Variants in PRODH2 observed in about 807,000 individuals in gnomAD.
The protein encoded by PRODH2 is hydroxyproline dehydrogenase.
PRODH2 carries 49 observed loss-of-function variants against 51.9 expected under a neutral mutation model. The observed-to-expected ratio is 0.94, with a 90% confidence interval of 0.75 to 1.20. PRODH2 has a LOEUF of 1.20. PRODH2 is among the 50% of genes most tolerant of loss of function. PRODH2 has a pLI of 0.00. For missense variants in PRODH2, 597 were observed against 610.9 expected (o/e 0.98, Z 0.24); for synonymous variants, 249 against 260.7 (o/e 0.96, Z 0.43).
In PRODH2 at chr19:35,812,731, A is replaced by G; in HGVS notation, c.75T>C (p.Asp25=). 1 of 1,611,758 alleles carries G rather than the reference A, an allele frequency of 6.2e-7. No individual in the cohort carries two copies. Among genetic ancestry groups the G allele is most frequent in the East Asian group, 2.2e-5 (1 of 44,844 alleles). The change falls in exon 1 of 10, where the codon GAT becomes GAC. Residue 25 remains aspartate (D), a synonymous_variant. Transcript: ENST00000653904. ...TGCCCTTAAGGTGGAAGGCCCCGCC[A>G]TCAAAGCTCAGGGACTGCCAGCCCC... is the stretch of plus-strand genomic sequence containing the variant. ...PSRGWQSLSF[D]GGAFHLKGTG... is the part of the protein sequence containing the mutation.
chr19:35,803,648 G>A (rs1263720001), intron 7 of PRODH2, among the ~76,000 whole-genome samples: 1 of 152,192 alleles, frequency 6.6e-6, no homozygotes, highest in South Asian at 2.1e-4. Flanking sequence ...GGACAGTGGC[G>A]GCGGTCTCAC....
At chr19:35,811,206 G>A (rs1237872066) in intron 4 of PRODH2, among the ~76,000 whole-genome samples, 3 of 151,740 alleles carry the variant, frequency 2.0e-5, no homozygotes, top group Non-Finnish European at 4.4e-5. Context: ...TGCCCCCCAC[G>A]AATGGTATAC....
intron 7 of PRODH2, among the ~76,000 whole-genome samples, chr19:35,804,636 C>T (rs2146781470): frequency 6.6e-6 from 1 of 152,334 alleles, no homozygotes. Context: ...GCTAGTCTGC[C>T]TTTAAAATGC....
At chr19:35,811,176 A>G (rs902000699) in intron 4 of PRODH2, among the ~76,000 whole-genome samples, 5 of 151,984 alleles carry the variant, frequency 3.3e-5, no homozygotes, top group Admixed American at 3.3e-4. Flanking sequence ...AATTTTTATA[A>G]TAGAATATTG....
chr19:35,810,625 A>G (rs938309149), intron 4 of PRODH2, among the ~76,000 whole-genome samples: 1 of 151,466 alleles, frequency 6.6e-6, no homozygotes, highest in Non-Finnish European at 1.5e-5. Context: ...GGTTCAAGCG[A>G]TTCTCCTGCC....
rs201263714 is a variant in PRODH2, at chr19:35,806,584, G to C, written c.847C>G (p.Arg283Gly). The stretch of plus-strand genomic sequence containing the variant: ...GCAGCCTCTGCATCCCTCCCCAGCC[G>C]CTCGAATGTGTCCTATAGGGCACGC... ...YQACLKDTFE[R>G]LGRDAEAAHR... The change falls in exon 7 of 10, where the codon CGG becomes GGG. Residue 283 changes from arginine (R) to glycine (G), a missense_variant. Physicochemically the swap from Arg to Gly is moderately radical, Grantham distance 125. Transcript: ENST00000653904. The C allele has an allele frequency of 6.2e-7, 1 of 1,613,990 alleles. No homozygotes were observed. The highest frequency in any genetic ancestry group is 2.2e-5 in the East Asian group (1 of 44,884).
intron 4 of PRODH2, among the ~76,000 whole-genome samples, chr19:35,807,868 C>T (rs756773777): frequency 6.6e-6 from 1 of 152,040 alleles, no homozygotes; most frequent in Non-Finnish European, 1.5e-5. Context: ...CTCCACCTCC[C>T]CAGCTCAAGC....
intron 8 of PRODH2, among the ~76,000 whole-genome samples, chr19:35,802,691 G>T (rs1192519910): frequency 1.3e-5 from 2 of 151,906 alleles, no homozygotes; most frequent in Non-Finnish European, 2.9e-5. Flanking sequence ...GAATAGCTGG[G>T]ACTACAGGTG....
At chr19:35,801,223 T>A (rs1388170046) in intron 9 of PRODH2, among the ~76,000 whole-genome samples, 1 of 151,708 alleles carries the variant, frequency 6.6e-6, no homozygotes, top group Non-Finnish European at 1.5e-5. Context: ...CCAGCAACTC[T>A]GGGAGGCCAA....
Position 35,802,270 on chromosome 19 carries a change from C to T in PRODH2, c.1119G>A (p.Trp373Ter). The T allele has an allele frequency of 6.2e-7, 1 of 1,614,176 alleles. No homozygotes were observed. The highest frequency in any genetic ancestry group is 8.5e-7 in the Non-Finnish European group (1 of 1,180,034). ...TCCCATCCAGAGGAATGCCCAGCTC[C>T]CACATGCTACAGAAAAGGCCACATC... ...ESVRQATKRM[W>*]ELGIPLDGTV... Residue 373 changes from tryptophan (W) to a stop codon, truncating the protein, a stop_gained, in exon 9 of 10, where the codon TGG becomes TGA. Transcript: ENST00000653904. LOFTEE classifies it high-confidence loss of function.
intron 4 of PRODH2, among the ~76,000 whole-genome samples, chr19:35,808,165 A>G (rs1201211927): frequency 1.3e-5 from 2 of 152,320 alleles, no homozygotes; most frequent in East Asian, 3.9e-4. Flanking sequence ...AACAAGATAG[A>G]TGTTCAGCAA....
At chr19:35,802,042 C>T in intron 9 of PRODH2, 149 bp downstream of exon 9, 1 of 693,754 alleles carries the variant, frequency 1.4e-6, no homozygotes, top group Non-Finnish European at 2.5e-6. Context: ...GACACAGAGA[C>T]ACAGCCTTGG....
chr19:35,810,875 G>A (rs1039214267), intron 4 of PRODH2, among the ~76,000 whole-genome samples: 2 of 152,084 alleles, frequency 1.3e-5, no homozygotes, highest in African/African-American at 4.8e-5. Flanking sequence ...ATTGGTTAAG[G>A]TTCATCAAAG....
chr19:35,801,428 T>C (rs936843269), intron 9 of PRODH2, among the ~76,000 whole-genome samples: 20 of 152,158 alleles, frequency 1.3e-4, no homozygotes, highest in African/African-American at 4.8e-4. Context: ...ATGGCACCAC[T>C]GGACTCCTGC....
In PRODH2 at chr19:35,812,460, C is replaced by T. The variant is rs367717382; in HGVS notation, c.271G>A (p.Glu91Lys). 1.1e-5 allele frequency: 17 copies of T among 1,614,082 alleles called. No individual in the cohort carries two copies. In the African/African-American group the frequency reaches 1.5e-4, roughly 14 times the overall value. ...YGQFVAGETA[E>K]EVKGCVQQLR... ...TGCTGCACGCAGCCCTTCACCTCCT[C>T]TGCTGTCTCACCAGCCACAAACTGC... The change falls in exon 2 of 10, where the codon GAG (glutamate) becomes AAG (lysine). Residue 91 changes from glutamate to lysine, a missense_variant. Physicochemically the swap from Glu to Lys is moderately conservative, Grantham distance 56. Coordinates refer to ENST00000653904, the MANE Select transcript of PRODH2 (RefSeq NM_021232.2).
intron 9 of PRODH2, 41 bp downstream of exon 9, chr19:35,802,150 A>G (rs781560580): frequency 2.5e-6 from 4 of 1,581,054 alleles, no homozygotes; most frequent in South Asian, 2.2e-5. Context: ...GGAGGGAGTA[A>G]GGCCTGGGGC....
At chr19:35,802,164 A>G (rs749137022) in intron 9 of PRODH2, 27 bp downstream of exon 9, 4 of 1,607,438 alleles carry the variant, frequency 2.5e-6, no homozygotes, top group East Asian at 4.5e-5. Flanking sequence ...CTGGGGCTTG[A>G]TGGGGGTGGG....
In PRODH2 at chr19:35,800,102, T is replaced by C. The variant is rs1043560425; in HGVS notation, c.1319A>G (p.Gln440Arg). Residue 440 changes from glutamine (Q) to arginine (R), a missense_variant, in exon 10 of 10, where the codon CAG becomes CGG. Gln to Arg is a conservative substitution (Grantham distance 43). Coordinates refer to ENST00000653904, the MANE Select transcript of PRODH2 (RefSeq NM_021232.2). The stretch of plus-strand genomic sequence containing the variant: ...CCACAGTTCTTGGCTGAGCAGCTCC[T>C]GTTCCCTGCGGGCACCCTGAAGCAC... ...RSVLQGARRE[Q>R]ELLSQELWRR... The C allele has an allele frequency of 3.7e-6, 6 of 1,611,630 alleles. No individual in the cohort carries two copies. The Middle Eastern group carries it at 5.0e-4, about 134-fold the overall frequency.
At chr19:35,809,672 C>T (rs1972569600) in intron 4 of PRODH2, among the ~76,000 whole-genome samples, 1 of 152,012 alleles carries the variant, frequency 6.6e-6, no homozygotes. Context: ...TTAAAAATTA[C>T]AAATAAGGCC....
Sources: gnomAD v4.1 joint callset for allele counts (sites outside exome capture counted in the v4.1 genomes callset) on GRCh38, gnomAD v4.1.1 for gene constraint, MANE v1.5 for transcripts, NCBI Gene and HGNC (gene_info 2026-07-23, HGNC 2026-07-21) for gene names.